Variants in CREB1 observed in about 807,000 individuals in gnomAD.
CREB1 encodes cAMP responsive element binding protein 1.
Under a neutral mutation model 42.0 loss-of-function variants are expected in CREB1, and 2 were observed. The ratio of observed to expected loss-of-function variants is 0.05; its 90% CI spans 0.02 to 0.15. The LOEUF is 0.15. CREB1 is among the 10% of genes least tolerant of loss of function. CREB1 has a pLI of 1.00. For missense variants in CREB1, 199 were observed against 388.9 expected, an observed-to-expected ratio of 0.51 and a Z score of 4.11; for synonymous variants, 123 against 139.9, an observed-to-expected ratio of 0.88 and a Z score of 0.85.
At position 207,557,613 on chromosome 2, in the gene CREB1, G is replaced by A. The variant is rs554160349; in HGVS notation, c.114+1864G>A. On this transcript the variant is annotated intron_variant, in intron 2 of 7. Coordinates refer to ENST00000353267, the MANE Select transcript of CREB1 (RefSeq NM_004379.5). ...AGGAGAATGTCATGAACCCGAGACC[G>A]CACCACTGCACTCCAGCCTGGGTGA... Among the ~76,000 whole-genome samples, 10 of 152,040 alleles carry A rather than the reference G, an allele frequency of 6.6e-5. 1 individual carries two copies. In the South Asian group the frequency reaches 1.9e-3, roughly 28 times the overall value.
In CREB1 at chr2:207,604,052, A is replaced by T. The variant is rs1321730379; in HGVS notation, c.*6994A>T. ...ATTACAGAATTTATTGCACAAAATG[A>T]GACATTTTGAGAGTGATATTAATTA... is the stretch of plus-strand genomic sequence containing the variant. On this transcript the variant is annotated 3_prime_UTR_variant, in exon 8 of 8. Coordinates refer to ENST00000353267, the MANE Select transcript of CREB1 (RefSeq NM_004379.5). 2.0e-5 allele frequency among the ~76,000 whole-genome samples: 3 copies of T among 152,208 alleles called. No individual in the cohort carries two copies. Among genetic ancestry groups the T allele is most frequent in the Non-Finnish European group, 2.9e-5 (2 of 68,038 alleles).
At chr2:207,578,121 AT>A (rs2082665529) in intron 7 of CREB1, 1 of 154,768 alleles carries the variant, frequency 6.5e-6, no homozygotes, top group Non-Finnish European at 1.4e-5. Context: ...AAATAATAAC[AT>A]TTTAACACCT....
intron 1 of CREB1, among the ~76,000 whole-genome samples, chr2:207,539,940 A>G (rs2081027930): frequency 1.3e-5 from 2 of 152,248 alleles, no homozygotes; most frequent in Admixed American, 6.5e-5. Flanking sequence ...AATGCTGAGT[A>G]TGAGGCAGGG....
chr2:207,571,357 T>C (rs2082356537), intron 5 of CREB1, among the ~76,000 whole-genome samples: 2 of 152,122 alleles, frequency 1.3e-5, no homozygotes, highest in African/African-American at 2.4e-5. Flanking sequence ...TTAAGAAATA[T>C]GCATGAAAGT....
intron 1 of CREB1, among the ~76,000 whole-genome samples, chr2:207,533,491 C>A (rs1430210482): frequency 6.6e-6 from 1 of 152,078 alleles, no homozygotes; most frequent in East Asian, 1.9e-4. Flanking sequence ...TTATTTTTAA[C>A]CTAATGCTTA....
Position 207,597,114 on chromosome 2 carries a change from C to A in CREB1, c.*56C>A. ...GGAAAATGGACTGGCTTGGCCACAA[C>A]CTGAAAGACAAAATAAACATTTTAT... On this transcript the variant is annotated 3_prime_UTR_variant, in exon 8 of 8. Transcript: ENST00000353267. 1 of 1,498,142 alleles carries A rather than the reference C, an allele frequency of 6.7e-7. No homozygotes were observed. The highest frequency in any genetic ancestry group is 8.9e-7 in the Non-Finnish European group (1 of 1,121,392). 92.8% of individuals were successfully genotyped at this position (1,498,142 alleles called of 1,614,324 possible). A position where few individuals can be genotyped will look rare whatever the true frequency, so the allele number is the denominator to read the frequency against.
At chr2:207,586,107 T>G (rs996499365) in intron 7 of CREB1, among the ~76,000 whole-genome samples, 1 of 152,172 alleles carries the variant, frequency 6.6e-6, no homozygotes, top group African/African-American at 2.4e-5. Context: ...AAAATTCTTA[T>G]GGAACCAAAA....
At chr2:207,548,242 A>C (rs2081370797) in intron 1 of CREB1, among the ~76,000 whole-genome samples, 1 of 152,044 alleles carries the variant, frequency 6.6e-6, no homozygotes, top group Non-Finnish European at 1.5e-5. Flanking sequence ...ATTATTTCTA[A>C]CACACTTCTG....
At chr2:207,576,788 T>A (rs1016531305) in intron 6 of CREB1, 7 of 1,037,774 alleles carry the variant, frequency 6.7e-6, no homozygotes, top group African/African-American at 1.7e-5. Context: ...GACCTTCAAA[T>A]TTTTTTAAGT....
At chr2:207,547,867 A>G (rs2081354626) in intron 1 of CREB1, among the ~76,000 whole-genome samples, 1 of 152,112 alleles carries the variant, frequency 6.6e-6, no homozygotes, top group Admixed American at 6.6e-5. Flanking sequence ...AAGGCGCTAT[A>G]GAGTTAGTCA....
At chr2:207,569,270 T>A (rs2082259125) in intron 4 of CREB1, among the ~76,000 whole-genome samples, 1 of 152,184 alleles carries the variant, frequency 6.6e-6, no homozygotes, top group Non-Finnish European at 1.5e-5. Flanking sequence ...ATTTTAATAT[T>A]GTTGGAATTG....
intron 1 of CREB1, among the ~76,000 whole-genome samples, chr2:207,550,059 A>G (rs1156246985): frequency 6.6e-6 from 1 of 152,194 alleles, no homozygotes; most frequent in African/African-American, 2.4e-5. Flanking sequence ...ATAACTGTGT[A>G]GACATAATTA....
At chr2:207,570,147 T>G (rs771811975) in intron 4 of CREB1, 32 bp from the exon 5 acceptor site, 37 of 1,532,572 alleles carry the variant, frequency 2.4e-5, no homozygotes, top group Non-Finnish European at 3.1e-5. Context: ...TGTACTTATA[T>G]TTTTAATTAT....
intron 3 of CREB1, chr2:207,561,062 C>A: frequency 1.4e-6 from 2 of 1,472,924 alleles, no homozygotes; most frequent in South Asian, 2.3e-5. Flanking sequence ...AAGACTTGAA[C>A]GTTCATTCAA....
At chr2:207,574,628 GT>G (rs1264891150) in intron 5 of CREB1, among the ~76,000 whole-genome samples, 1 of 152,136 alleles carries the variant, frequency 6.6e-6, no homozygotes, top group Non-Finnish European at 1.5e-5. Flanking sequence ...AGAAATGACA[GT>G]TAAAGTTTTT....
At chr2:207,564,227 T>TA (rs1207737839) in intron 3 of CREB1, among the ~76,000 whole-genome samples, 3 of 151,992 alleles carry the variant, frequency 2.0e-5, no homozygotes, top group Non-Finnish European at 4.4e-5. Flanking sequence ...ATCCAATGAG[T>TA]AAAACACTGT....
chr2:207,566,375 T>TAC (rs932395817), intron 3 of CREB1, among the ~76,000 whole-genome samples: 4 of 152,244 alleles, frequency 2.6e-5, no homozygotes, highest in African/African-American at 9.6e-5. Flanking sequence ...GTATAATTCT[T>TAC]ACTCTGACCG....
chr2:207,551,135 A>G (rs943426322), intron 1 of CREB1, among the ~76,000 whole-genome samples: 4 of 152,186 alleles, frequency 2.6e-5, no homozygotes, highest in Middle Eastern at 3.2e-3. Context: ...TACTGTATTC[A>G]TCATTAATGC....
rs1340944500 is a variant in CREB1 at position 207,602,932 on chromosome 2, C to G, written c.*5874C>G. The G allele has an allele frequency of 4.6e-6, 1 of 215,998 alleles. No homozygotes were observed. The highest frequency in any genetic ancestry group is 9.3e-6 in the Non-Finnish European group (1 of 107,290). The allele number at this position is 215,998 out of a possible 1,614,324, so 13.4% of individuals were successfully genotyped here. ...AATTATTTCTAACCCAGATGTATCA[C>G]TTGAAACTTTTTAGAAGCAAAATAA... On this transcript the variant is annotated 3_prime_UTR_variant, in exon 8 of 8. Coordinates refer to ENST00000353267, the MANE Select transcript of CREB1 (RefSeq NM_004379.5).
Sources: allele counts gnomAD v4.1 joint callset (sites outside exome capture counted in the v4.1 genomes callset), GRCh38; gene constraint gnomAD v4.1.1; transcripts MANE v1.5; gene names NCBI Gene and HGNC (gene_info 2026-07-23, HGNC 2026-07-21).